Variants in DROSHA observed in about 807,000 individuals in gnomAD.
DROSHA encodes ribonuclease 3.
DROSHA carries 56 observed loss-of-function variants against 181.9 expected under a neutral mutation model. That is an observed-to-expected ratio of 0.31 (90% confidence interval 0.25 to 0.38). DROSHA has a LOEUF of 0.38. DROSHA is among the 10% of genes least tolerant of loss of function. The pLI is 1.00. For synonymous variants in DROSHA, 524 were observed against 591.2 expected, an observed-to-expected ratio of 0.89 and a Z score of 1.65; for missense variants, 1,218 against 1,743.5, an observed-to-expected ratio of 0.70 and a Z score of 5.37.
At chr5:31,422,991 T>C in intron 28 of DROSHA, 47 bp from the exon 29 acceptor site, 1 of 1,454,282 alleles carries the variant, frequency 6.9e-7, no homozygotes, top group Non-Finnish European at 9.1e-7. Flanking sequence ...CATTTTTGGT[T>C]GTAAGTGCAA....
intron 22 of DROSHA, among the ~76,000 whole-genome samples, chr5:31,449,070 G>A (rs141873579): frequency 0.043 from 6,472 of 151,782 alleles, 461 homozygotes; most frequent in African/African-American, 0.15. Flanking sequence ...AGGAGGCAAA[G>A]TTTGCAGTGA....
intron 30 of DROSHA, among the ~76,000 whole-genome samples, chr5:31,419,477 C>T (rs1405443658): frequency 6.6e-6 from 1 of 150,736 alleles, no homozygotes; most frequent in Non-Finnish European, 1.5e-5. Context: ...ACTAGAGTCT[C>T]TCATCTAGTC....
chr5:31,439,418 C>T (rs1006772741), intron 23 of DROSHA, among the ~76,000 whole-genome samples: 2 of 152,064 alleles, frequency 1.3e-5, no homozygotes, highest in Admixed American at 1.3e-4. Context: ...CCTTATTTTA[C>T]TTAATAATGG....
At chr5:31,503,364 G>C (rs1351033665) in intron 11 of DROSHA, among the ~76,000 whole-genome samples, 1 of 152,150 alleles carries the variant, frequency 6.6e-6, no homozygotes, top group Non-Finnish European at 1.5e-5. Context: ...ATTCCTCCAG[G>C]AGACCAAACT....
At chr5:31,499,572 AT>A (rs2150047236) in intron 11 of DROSHA, among the ~76,000 whole-genome samples, 1 of 151,940 alleles carries the variant, frequency 6.6e-6, no homozygotes, top group African/African-American at 2.4e-5. Flanking sequence ...TGTGGAGAAA[AT>A]GATAGCTATA....
chr5:31,472,273 G>A (rs1749819642), intron 16 of DROSHA, 41 bp from the exon 17 acceptor site: 2 of 1,535,788 alleles, frequency 1.3e-6, no homozygotes, highest in African/African-American at 1.4e-5. Flanking sequence ...GAAAAATAAG[G>A]CTACTCAACT....
At chr5:31,421,941 T>C (rs1210172572) in intron 29 of DROSHA, 1 of 125,812 alleles carries the variant, frequency 7.9e-6, no homozygotes. Flanking sequence ...TGTATATAAA[T>C]TAGCCAGGCA....
intron 20 of DROSHA, among the ~76,000 whole-genome samples, chr5:31,462,270 AATCT>A (rs1001384133): frequency 6.6e-5 from 10 of 152,144 alleles, no homozygotes; most frequent in Non-Finnish European, 1.5e-4. Flanking sequence ...ATTTTATCAA[AATCT>A]TAAAAAGACT....
intron 33 of DROSHA, among the ~76,000 whole-genome samples, chr5:31,408,097 C>G (rs143973241): frequency 3.2e-4 from 49 of 152,116 alleles, no homozygotes; most frequent in Admixed American, 9.2e-4. Flanking sequence ...AGCAAAAAGG[C>G]CTATAAAGTG....
chr5:31,403,881 G>GT (rs969396813), intron 35 of DROSHA, among the ~76,000 whole-genome samples: 12 of 151,874 alleles, frequency 7.9e-5, no homozygotes, highest in East Asian at 3.9e-4. Context: ...AAACACATAG[G>GT]TTTTTTTTAT....
intron 11 of DROSHA, 55 bp from the exon 12 acceptor site, chr5:31,495,427 T>A: frequency 1.4e-6 from 2 of 1,479,980 alleles, no homozygotes; most frequent in Non-Finnish European, 1.9e-6. Context: ...TACTTTTACT[T>A]AAAAATATAT....
chr5:31,526,599 G>A lies in DROSHA; in HGVS notation c.334C>T (p.Pro112Ser). The change falls in exon 5 of 36, where the codon CCA becomes TCA. Residue 112 changes from proline to serine, a missense_variant. Pro to Ser is a moderately conservative substitution (Grantham distance 74). Transcript: ENST00000344624. ...FPNHQMRHPF[P>S]VPPCFPPMPP... Reference sequence around the variant, plus strand: ...ATGGGAGGAAAACAAGGAGGAACTGGGAAGGGGTGCCTCATCTGGTGGTTG... The same window carrying A: ...ATGGGAGGAAAACAAGGAGGAACTGAGAAGGGGTGCCTCATCTGGTGGTTG... The A allele has an allele frequency of 6.6e-7, 1 of 1,525,480 alleles. No individual in the cohort carries two copies. The highest frequency in any genetic ancestry group is 8.8e-7 in the Non-Finnish European group (1 of 1,138,778). 94.5% of individuals were successfully genotyped at this position (1,525,480 alleles called of 1,614,324 possible).
chr5:31,452,932 T>C (rs1452053545), intron 20 of DROSHA, among the ~76,000 whole-genome samples: 1 of 152,226 alleles, frequency 6.6e-6, no homozygotes, highest in Non-Finnish European at 1.5e-5. Context: ...GCTGTGCTGA[T>C]AAACACAACA....
chr5:31,498,797 C>T (rs1753279724), intron 11 of DROSHA, among the ~76,000 whole-genome samples: 1 of 151,596 alleles, frequency 6.6e-6, no homozygotes. Flanking sequence ...GTGGAGATTG[C>T]GGTGAGCCGA....
chr5:31,465,871 G>C (rs556109726), intron 19 of DROSHA, among the ~76,000 whole-genome samples: 1 of 152,176 alleles, frequency 6.6e-6, no homozygotes, highest in African/African-American at 2.4e-5. Flanking sequence ...GCAGATGCTG[G>C]TGCCATGCTT....
At chr5:31,438,794 A>T (rs1745198040) in intron 23 of DROSHA, among the ~76,000 whole-genome samples, 1 of 152,062 alleles carries the variant, frequency 6.6e-6, no homozygotes, top group African/African-American at 2.4e-5. Flanking sequence ...GAGGGAAAAA[A>T]AGTTCCCAGG....
chr5:31,514,183 C>T lies in DROSHA; in HGVS notation c.1290+805G>A, dbSNP rs532880138. On this transcript the variant is annotated intron_variant, in intron 8 of 35. Transcript: ENST00000344624. The surrounding 1 kb of genome is among the most constrained non-coding windows in gnomAD (Gnocchi z 4.4). ...TGCTCTTTTGGTCAAGGATACACTT[C>T]GAAGAGACAAACTCAAATTCTTCCT... is the stretch of plus-strand genomic sequence containing the variant. 6.6e-6 allele frequency among the ~76,000 whole-genome samples: 1 copy of T among 151,574 alleles called. No homozygotes were observed. The highest frequency in any genetic ancestry group is 2.4e-5 in the African/African-American group (1 of 41,268).
At chr5:31,440,020 G>A (rs2150007865) in intron 23 of DROSHA, among the ~76,000 whole-genome samples, 1 of 152,184 alleles carries the variant, frequency 6.6e-6, no homozygotes, top group South Asian at 2.1e-4. Context: ...AACCCATCTG[G>A]CTTTCAAGGC....
chr5:31,507,041 G>A (rs1177575052), intron 10 of DROSHA, among the ~76,000 whole-genome samples: 4 of 152,178 alleles, frequency 2.6e-5, no homozygotes, highest in African/African-American at 9.7e-5. Flanking sequence ...AGGGCCAGGC[G>A]CAGTGGCTCA....
Sources: gnomAD v4.1 joint callset for allele counts (sites outside exome capture counted in the v4.1 genomes callset) on GRCh38, gnomAD v4.1.1 for gene constraint, Gnocchi (gnomAD v3.1) non-coding constraint, MANE v1.5 for transcripts, NCBI Gene and HGNC (gene_info 2026-07-23, HGNC 2026-07-21) for gene names.